TRDN: variants seen among roughly 807,000 people sequenced by gnomAD.
TRDN encodes triadin in skeletal muscle.
A neutral mutation model predicts 149.7 loss-of-function variants in TRDN; 161 were observed. The ratio of observed to expected loss-of-function variants is 1.08; its 90% CI spans 0.95 to 1.23. The LOEUF (loss-of-function observed/expected upper bound fraction) is 1.23, where lower values mean the gene tolerates loss of function less well. Ranked by LOEUF, TRDN falls within the 50% of genes most tolerant of loss-of-function variation. The pLI is 0.00. For missense variants in TRDN, 896 were observed against 823.5 expected, an observed-to-expected ratio of 1.09 and a Z score of -1.08; for synonymous variants, 294 against 250.5, an observed-to-expected ratio of 1.17 and a Z score of -1.64.
intron 5 of TRDN, among the ~76,000 whole-genome samples, chr6:123,527,819 T>C (rs189757288): frequency 6.6e-6 from 1 of 151,752 alleles, no homozygotes; most frequent in Non-Finnish European, 1.5e-5. Flanking sequence ...TATGAGGTAC[T>C]GTATGTGACC....
intron 12 of TRDN, among the ~76,000 whole-genome samples, chr6:123,426,884 C>G (rs1455900927): frequency 6.6e-6 from 1 of 152,048 alleles, no homozygotes; most frequent in East Asian, 1.9e-4. Context: ...CCTCAAGGCT[C>G]CTTTAACTAC....
chr6:123,397,612 T>C (rs1188742085), intron 12 of TRDN, among the ~76,000 whole-genome samples: 1 of 152,240 alleles, frequency 6.6e-6, no homozygotes, highest in Non-Finnish European at 1.5e-5. Flanking sequence ...TCTATTTCAC[T>C]TTTAAGATGA....
intron 7 of TRDN, among the ~76,000 whole-genome samples, chr6:123,510,762 G>A (rs1286058859): frequency 6.6e-6 from 1 of 151,642 alleles, no homozygotes; most frequent in Non-Finnish European, 1.5e-5. Flanking sequence ...TCCTGTCTCA[G>A]CCTTCTGAGT....
At chr6:123,292,413 G>T (rs1778041999) in intron 24 of TRDN, among the ~76,000 whole-genome samples, 1 of 152,162 alleles carries the variant, frequency 6.6e-6, no homozygotes, top group African/African-American at 2.4e-5. Flanking sequence ...AAAATTACTT[G>T]TCTGTGGACA....
chr6:123,414,552 T>C (rs1773574549), intron 12 of TRDN, among the ~76,000 whole-genome samples: 1 of 152,110 alleles, frequency 6.6e-6, no homozygotes, highest in African/African-American at 2.4e-5. Context: ...TTTTATTCTG[T>C]ATGTTGTGGA....
chr6:123,622,138 T>C (rs1219854907), intron 1 of TRDN, among the ~76,000 whole-genome samples: 1 of 152,108 alleles, frequency 6.6e-6, no homozygotes, highest in African/African-American at 2.4e-5. Context: ...CCTTCCTCTT[T>C]TTCCTCCTCC....
At chr6:123,603,745 C>T (rs1298454501) in intron 1 of TRDN, among the ~76,000 whole-genome samples, 1 of 152,096 alleles carries the variant, frequency 6.6e-6, no homozygotes, top group Non-Finnish European at 1.5e-5. Context: ...CTGATAATGA[C>T]AACTGGAAAT....
rs4576276 is a variant in TRDN, at chr6:123,497,483, G to C, written c.794-231C>G. 0.83 allele frequency among the ~76,000 whole-genome samples: 126,354 copies of C among 152,106 alleles called. 52,677 individuals carry two copies. Among genetic ancestry groups the C allele is most frequent in the East Asian group, 0.88 (4,579 of 5,182 alleles). ...AAAAATAACCTCAAAAATTGAAAAG[G>C]ACTAGTTCAGGGTAATCTTATAGTG... On this transcript the variant is annotated intron_variant, in intron 8 of 40. Transcript: ENST00000334268.
chr6:123,232,092 C>A (rs566675294), intron 38 of TRDN, among the ~76,000 whole-genome samples: 1 of 151,532 alleles, frequency 6.6e-6, no homozygotes, highest in Non-Finnish European at 1.5e-5. Context: ...ATGTAGAAAA[C>A]AAAACTGGAT....
At chr6:123,465,905 T>C (rs1035053902) in intron 9 of TRDN, among the ~76,000 whole-genome samples, 1 of 152,214 alleles carries the variant, frequency 6.6e-6, no homozygotes, top group Non-Finnish European at 1.5e-5. Flanking sequence ...TTTTCCTTTT[T>C]TAGAATTCAC....
At chr6:123,390,136 C>T (rs1007307953) in intron 13 of TRDN, among the ~76,000 whole-genome samples, 1 of 152,062 alleles carries the variant, frequency 6.6e-6, no homozygotes, top group African/African-American at 2.4e-5. Flanking sequence ...TTGCTCTGAA[C>T]GCTAAACTTC....
rs561197582 is a variant in TRDN, at chr6:123,529,851, C to T, written c.484+655G>A. 4.6e-5 allele frequency among the ~76,000 whole-genome samples: 7 copies of T among 152,062 alleles called. No individual in the cohort carries two copies. The East Asian group carries it at 1.4e-3, about 29-fold the overall frequency. Reference sequence around the variant, plus strand: ...GAATATATTTTTGAATGTCTTGCTTCCTATTAGTTTCTTTAAAGTTTTATG... The same window carrying T: ...GAATATATTTTTGAATGTCTTGCTTTCTATTAGTTTCTTTAAAGTTTTATG... On this transcript the variant is annotated intron_variant, in intron 5 of 40. Coordinates refer to ENST00000334268, the MANE Select transcript of TRDN (RefSeq NM_006073.4).
chr6:123,566,256 A>G (rs1405561802), intron 2 of TRDN, among the ~76,000 whole-genome samples: 1 of 152,234 alleles, frequency 6.6e-6, no homozygotes, highest in East Asian at 1.9e-4. Flanking sequence ...GCAGAATAGA[A>G]AGCAAGATGT....
chr6:123,391,926 A>T (rs1444582151), intron 13 of TRDN, among the ~76,000 whole-genome samples: 1 of 152,112 alleles, frequency 6.6e-6, no homozygotes, highest in Non-Finnish European at 1.5e-5. Flanking sequence ...ATTTAATTAT[A>T]TGCCTATGGC....
intron 12 of TRDN, among the ~76,000 whole-genome samples, chr6:123,434,367 T>C (rs1583014960): frequency 6.6e-6 from 1 of 152,290 alleles, no homozygotes; most frequent in East Asian, 1.9e-4. Flanking sequence ...AGAAATGGTT[T>C]GGCAGAGCAG....
chr6:123,379,374 AGAAGAAGCTAT>A (rs1781628581), intron 16 of TRDN, among the ~76,000 whole-genome samples: 1 of 152,226 alleles, frequency 6.6e-6, no homozygotes, highest in Non-Finnish European at 1.5e-5. Context: ...CAGGTCAAAA[AGAAGAAGCTAT>A]GACGATTTAG....
At chr6:123,533,704 C>A (rs768633691) in intron 4 of TRDN, among the ~76,000 whole-genome samples, 2 of 151,862 alleles carry the variant, frequency 1.3e-5, no homozygotes, top group Non-Finnish European at 2.9e-5. Flanking sequence ...GAAATAAAGA[C>A]AAATCTCAAA....
chr6:123,250,526 C>T (rs191124981), intron 38 of TRDN, among the ~76,000 whole-genome samples: 129 of 151,934 alleles, frequency 8.5e-4, no homozygotes, highest in African/African-American at 3.0e-3. Context: ...TTGATGATTG[C>T]TCCTAAAAAA....
At chr6:123,542,191 C>T (rs1343429939) in intron 4 of TRDN, among the ~76,000 whole-genome samples, 1 of 152,184 alleles carries the variant, frequency 6.6e-6, no homozygotes, top group African/African-American at 2.4e-5. Context: ...TGACATGCAT[C>T]AAGTACAATC....
Sources: allele counts gnomAD v4.1 joint callset (sites outside exome capture counted in the v4.1 genomes callset), GRCh38; gene constraint gnomAD v4.1.1; transcripts MANE v1.5; gene names NCBI Gene and HGNC (gene_info 2026-07-23, HGNC 2026-07-21).